ITGB2: variants seen among roughly 807,000 people sequenced by gnomAD.
ITGB2 encodes integrin beta-2.
A neutral mutation model predicts 86.8 loss-of-function variants in ITGB2; 56 were observed. The ratio of observed to expected loss-of-function variants is 0.65; its 90% confidence interval spans 0.52 to 0.81. The LOEUF (loss-of-function observed/expected upper bound fraction) is 0.81, where lower values mean the gene tolerates loss of function less well. ITGB2 is among the 30% of genes least tolerant of loss of function. ITGB2 has a pLI of 0.00. For synonymous variants in ITGB2, 457 were observed against 450.4 expected (o/e 1.01, Z -0.19); for missense variants, 948 against 1,061.2 (o/e 0.89, Z 1.48).
At chr21:44,906,162 TTCCC>T (rs772478214) in intron 4 of ITGB2, among the ~76,000 whole-genome samples, 5 of 68,264 alleles carry the variant, frequency 7.3e-5, no homozygotes, top group South Asian at 4.8e-4. Context: ...CTTCCCTCCC[TTCCC>T]TCCCTCCCTT....
intron 4 of ITGB2, 122 bp from the exon 5 acceptor site, chr21:44,903,657 A>G: frequency 8.8e-7 from 1 of 1,131,606 alleles, no homozygotes; most frequent in Non-Finnish European, 1.3e-6. Context: ...AATCCTCCTG[A>G]CCTCCCCTCT....
At chr21:44,886,685 TGTGGGACGCACGTGCCCCTCTGC>T (rs2083703326) in intron 15 of ITGB2, 28 bp downstream of exon 15, 7 of 1,610,306 alleles carry the variant, frequency 4.3e-6, no homozygotes, top group Non-Finnish European at 5.9e-6. Context: ...GGTCGCATAG[TGTGGGACGCACGTGCCCCTCTGC>T]GTGGGACCCC....
At chr21:44,912,853 C>T (rs1415941356) in intron 1 of ITGB2, among the ~76,000 whole-genome samples, 4 of 133,122 alleles carry the variant, frequency 3.0e-5, no homozygotes, top group African/African-American at 8.6e-5. Flanking sequence ...TCAGGACTCC[C>T]CCAGGGTGCA....
In ITGB2 at chr21:44,893,477, G is replaced by T; in HGVS notation, c.1151C>A (p.Ser384Tyr). ...GTGCGTCACTCCATTGCTGCAGAAG[G>T]AGTCGTAGGTGACTTTCAGGGTGTC... ...LPDTLKVTYD[S>Y]FCSNGVTHRN... is the part of the protein sequence containing the mutation. Residue 384 changes from serine to tyrosine, a missense_variant, in exon 10 of 16, where the codon TCC becomes TAC. Physicochemically the swap from Ser to Tyr is moderately radical, Grantham distance 144. Transcript: ENST00000652462. 1 of 1,614,202 alleles carries T rather than the reference G, an allele frequency of 6.2e-7. No individual in the cohort carries two copies. The highest frequency in any genetic ancestry group is 8.5e-7 in the Non-Finnish European group (1 of 1,180,014).
chr21:44,887,336 C>T (rs1215050366), intron 14 of ITGB2, among the ~76,000 whole-genome samples: 1 of 152,160 alleles, frequency 6.6e-6, no homozygotes, highest in African/African-American at 2.4e-5. Context: ...GAGACCAGAG[C>T]TCAGCAGGTG....
At chr21:44,896,350 T>A (rs1404479290) in intron 8 of ITGB2, among the ~76,000 whole-genome samples, 1 of 152,248 alleles carries the variant, frequency 6.6e-6, no homozygotes, top group Admixed American at 6.5e-5. Flanking sequence ...TGAGTTTCCA[T>A]GGGTGTTAAA....
At chr21:44,890,938 C>T (rs1454025232) in intron 11 of ITGB2, among the ~76,000 whole-genome samples, 2 of 151,724 alleles carry the variant, frequency 1.3e-5, no homozygotes, top group Non-Finnish European at 1.5e-5. Context: ...CACTGAGGCA[C>T]GAGGACAGCA....
In ITGB2 at chr21:44,893,498, G is replaced by T. The variant is rs1358715328; in HGVS notation, c.1130C>A (p.Thr377Asn). ...VFLDHNALPDTLKVTYDSFCS... is the reference protein window; with the variant it reads ...VFLDHNALPDNLKVTYDSFCS... ...GAAGGAGTCGTAGGTGACTTTCAGGGTGTCGGGGAGGGCGTTGTGATCCAG... is the reference window on the plus strand; with the variant it reads ...GAAGGAGTCGTAGGTGACTTTCAGGTTGTCGGGGAGGGCGTTGTGATCCAG... The change falls in exon 10 of 16, where the codon ACC becomes AAC. Residue 377 changes from threonine to asparagine, a missense_variant. Physicochemically the swap from Thr to Asn is moderately conservative, Grantham distance 65 (BLOSUM62 0). Coordinates refer to ENST00000652462, the MANE Select transcript of ITGB2 (RefSeq NM_000211.5). 4 of 1,614,054 alleles carry T rather than the reference G, an allele frequency of 2.5e-6. No homozygotes were observed. In the South Asian group the frequency reaches 4.4e-5, roughly 18 times the overall value.
chr21:44,894,585 C>A, intron 9 of ITGB2: 1 of 341,692 alleles, frequency 2.9e-6, no homozygotes, highest in Non-Finnish European at 5.8e-6. Context: ...ATTCCACCCC[C>A]CAGGGTGTCT....
At chr21:44,903,882 C>T (rs1376070612) in intron 4 of ITGB2, among the ~76,000 whole-genome samples, 1 of 152,158 alleles carries the variant, frequency 6.6e-6, no homozygotes, top group Non-Finnish European at 1.5e-5. Flanking sequence ...GGCCCCATGC[C>T]TGCAGTCCCA....
At chr21:44,925,422 GGGAAGGAAGGAAGGAAGGAAGGAAGGAA>G (rs71334040), upstream of ITGB2, among the ~76,000 whole-genome samples, 1 of 54,740 alleles carries the variant, frequency 1.8e-5, no homozygotes, top group Non-Finnish European at 3.2e-5. Flanking sequence ...GAGGGAGGGA[GGGAAGGAAGGAAGGAAGGAAGGAAGGAA>G]GGAAGGAAGG....
At chr21:44,901,037 C>A (rs1301352531) in intron 6 of ITGB2, among the ~76,000 whole-genome samples, 1 of 152,180 alleles carries the variant, frequency 6.6e-6, no homozygotes, top group African/African-American at 2.4e-5. Flanking sequence ...CAACATGGCC[C>A]AGGGACTGTG....
intron 1 of ITGB2, chr21:44,914,125 A>T (rs532684302): frequency 6.6e-6 from 1 of 152,186 alleles, no homozygotes; most frequent in Non-Finnish European, 1.5e-5. Flanking sequence ...GCCCCACACC[A>T]GGGGCGGGTG....
intron 12 of ITGB2, 64 bp from the exon 13 acceptor site, chr21:44,889,559 C>T: frequency 1.4e-6 from 2 of 1,429,804 alleles, no homozygotes; most frequent in South Asian, 1.2e-5. Context: ...CGCCCGAAAC[C>T]CCACTGCGGT....
At chr21:44,892,065 C>T in intron 10 of ITGB2, 69 bp from the exon 11 acceptor site, 2 of 1,501,276 alleles carry the variant, frequency 1.3e-6, no homozygotes, top group South Asian at 1.2e-5. Flanking sequence ...TCCCAACCCT[C>T]ACCTCCTGGC....
At chr21:44,898,474 G>A (rs938283250) in intron 8 of ITGB2, among the ~76,000 whole-genome samples, 21 of 152,162 alleles carry the variant, frequency 1.4e-4, no homozygotes, top group African/African-American at 3.9e-4. Context: ...AAGTCCTTCC[G>A]GCAAATCACT....
rs973476591 is a variant in ITGB2 at position 44,913,598 on chromosome 21, C to T, written c.-3-2813G>A. Among the ~76,000 whole-genome samples, 10 of 152,264 alleles carry T rather than the reference C, an allele frequency of 6.6e-5. No individual in the cohort carries two copies. In the East Asian group the frequency reaches 1.9e-3, roughly 29 times the overall value. ...GAGAAGCCAGGCCCTGCCCCACCCC[C>T]CAATGCCAGTGGCTGAGCCCAGACA... On this transcript the variant is annotated intron_variant, in intron 1 of 15. Coordinates refer to ENST00000652462, the MANE Select transcript of ITGB2 (RefSeq NM_000211.5).
At chr21:44,912,251 C>T (rs1015233673) in intron 1 of ITGB2, among the ~76,000 whole-genome samples, 12 of 152,166 alleles carry the variant, frequency 7.9e-5, no homozygotes, top group African/African-American at 2.4e-4. Flanking sequence ...TAGGGCCTGC[C>T]GGCTTTGAAG....
chr21:44,916,432 G>A (rs1350663183), intron 1 of ITGB2, among the ~76,000 whole-genome samples: 2 of 152,152 alleles, frequency 1.3e-5, no homozygotes, highest in African/African-American at 2.4e-5. Flanking sequence ...TTCCTGGGTG[G>A]CGACGTGAGG....
Sources: allele counts gnomAD v4.1 joint callset (sites outside exome capture counted in the v4.1 genomes callset), GRCh38; gene constraint gnomAD v4.1.1; transcripts MANE v1.5; gene names NCBI Gene and HGNC (gene_info 2026-07-23, HGNC 2026-07-21).